Variants in ARFGEF2 observed in about 807,000 individuals in gnomAD.
The protein encoded by ARFGEF2 is brefeldin A-inhibited guanine nucleotide-exchange protein 2.
A neutral mutation model predicts 219.9 loss-of-function variants in ARFGEF2; 74 were observed. The ratio of observed to expected loss-of-function variants is 0.34; its 90% CI spans 0.28 to 0.41. ARFGEF2 has a LOEUF of 0.41. ARFGEF2 is among the 10% of genes least tolerant of loss of function. The pLI is 1.00. For synonymous variants in ARFGEF2, 733 were observed against 799.2 expected (o/e 0.92, Z 1.40); for missense variants, 1,743 against 2,218.3 (o/e 0.79, Z 4.30).
rs764929973 is a variant in ARFGEF2 at position 49,033,144 on chromosome 20, T to TA, written c.5304dup (p.Trp1769MetfsTer43). 6 of 1,614,086 alleles carry TA rather than the reference T, an allele frequency of 3.7e-6. No homozygotes were observed. The highest frequency in any genetic ancestry group is 1.3e-5 in the African/African-American group (1 of 74,922). On this transcript the variant is annotated frameshift_variant, in exon 39 of 39. Coordinates refer to ENST00000371917, the MANE Select transcript of ARFGEF2 (RefSeq NM_006420.3). LOFTEE classifies it high-confidence loss of function. ...CTACGGATAGGTGTTGTGTATAAGA[T>TA]ATGGATACCAGAAGAGCCATCACAG...
intron 1 of ARFGEF2, among the ~76,000 whole-genome samples, chr20:48,935,499 A>G (rs930993935): frequency 5.9e-5 from 9 of 152,044 alleles, no homozygotes; most frequent in African/African-American, 1.9e-4. Context: ...ACCTCTTTCT[A>G]CACAGACACG....
At chr20:48,972,701 G>A (rs920799557) in intron 11 of ARFGEF2, among the ~76,000 whole-genome samples, 3 of 152,162 alleles carry the variant, frequency 2.0e-5, no homozygotes, top group African/African-American at 7.2e-5. Flanking sequence ...CCTACAAGCT[G>A]AGTACTGTTA....
At chr20:48,985,343 T>G in intron 15 of ARFGEF2, 65 bp from the exon 16 acceptor site, 2 of 1,555,622 alleles carry the variant, frequency 1.3e-6, no homozygotes, top group Non-Finnish European at 1.8e-6. Context: ...ACCCTTTGGC[T>G]GCTGGCTTTT....
At chr20:48,949,715 C>T (rs903862752) in intron 3 of ARFGEF2, among the ~76,000 whole-genome samples, 8 of 152,058 alleles carry the variant, frequency 5.3e-5, no homozygotes, top group Admixed American at 3.3e-4. Context: ...CTTTGCAGAG[C>T]GGCCAGTCTT....
At chr20:49,023,738 C>G (rs1162401453) in intron 35 of ARFGEF2, among the ~76,000 whole-genome samples, 1 of 151,664 alleles carries the variant, frequency 6.6e-6, no homozygotes, top group Admixed American at 6.6e-5. Context: ...CGGGGTTTCA[C>G]CGTGTTAGCC....
intron 1 of ARFGEF2, among the ~76,000 whole-genome samples, chr20:48,932,318 C>T (rs946559918): frequency 6.6e-6 from 1 of 152,014 alleles, no homozygotes; most frequent in Non-Finnish European, 1.5e-5. Context: ...GTAAAGAGGA[C>T]GGCAGCAGAA....
intron 6 of ARFGEF2, among the ~76,000 whole-genome samples, chr20:48,963,439 C>T (rs1047172180): frequency 3.9e-5 from 6 of 152,286 alleles, no homozygotes; most frequent in South Asian, 2.1e-4. Flanking sequence ...TACCAAGGCT[C>T]GTTGGTCCCC....
intron 3 of ARFGEF2, among the ~76,000 whole-genome samples, chr20:48,945,008 G>T (rs1816942254): frequency 6.6e-6 from 1 of 152,126 alleles, no homozygotes; most frequent in South Asian, 2.1e-4. Flanking sequence ...GGCTGATTTG[G>T]TTCCTGGTGA....
rs1418594302 is a variant in ARFGEF2, at chr20:48,972,390, G to A, written c.1490G>A (p.Trp497Ter). 1 of 1,613,992 alleles carries A rather than the reference G, an allele frequency of 6.2e-7. No homozygotes were observed. The highest frequency in any genetic ancestry group is 8.5e-7 in the Non-Finnish European group (1 of 1,179,978). The part of the protein sequence containing the change: ...ETSTSSFEHR[W>*]MVIQTLTRIC... Reference sequence around the variant, plus strand: ...TCAACAAGTTCTTTTGAGCACAGGTGGATGGTCATTCAGACTCTGACGAGG... The same window carrying A: ...TCAACAAGTTCTTTTGAGCACAGGTAGATGGTCATTCAGACTCTGACGAGG... Residue 497 changes from tryptophan (W) to a stop codon, truncating the protein, a stop_gained, in exon 11 of 39, where the codon TGG becomes TAG. Transcript: ENST00000371917. LOFTEE classifies it high-confidence loss of function.
chr20:48,988,210 T>A, intron 16 of ARFGEF2, 94 bp from the exon 17 acceptor site: 1 of 881,694 alleles, frequency 1.1e-6, no homozygotes, highest in Non-Finnish European at 1.9e-6. Flanking sequence ...AGGGGAGTAG[T>A]CGGCTGCTTT....
At chr20:48,930,436 T>C (rs1314108731) in intron 1 of ARFGEF2, among the ~76,000 whole-genome samples, 1 of 152,154 alleles carries the variant, frequency 6.6e-6, no homozygotes, top group Non-Finnish European at 1.5e-5. Context: ...ACAGTAGAAA[T>C]AGAGCAAAGA....
chr20:48,988,742 A>G, intron 18 of ARFGEF2, 80 bp downstream of exon 18: 3 of 1,286,056 alleles, frequency 2.3e-6, no homozygotes, highest in Non-Finnish European at 2.2e-6. Context: ...CTCTGGTGAT[A>G]AATTTAATGT....
At chr20:49,020,181 G>A (rs2091557641) in intron 34 of ARFGEF2, among the ~76,000 whole-genome samples, 1 of 152,184 alleles carries the variant, frequency 6.6e-6, no homozygotes, top group Admixed American at 6.5e-5. Context: ...CTGGTCCTTT[G>A]AAAGTTGTGT....
At chr20:48,970,533 C>A (rs1194206718) in intron 9 of ARFGEF2, among the ~76,000 whole-genome samples, 1 of 152,042 alleles carries the variant, frequency 6.6e-6, no homozygotes, top group Admixed American at 6.6e-5. Context: ...TCGCTTGAAC[C>A]CAGGAGACGG....
intron 7 of ARFGEF2, among the ~76,000 whole-genome samples, chr20:48,964,777 C>T (rs1430713640): frequency 6.6e-6 from 1 of 152,110 alleles, no homozygotes; most frequent in African/African-American, 2.4e-5. Flanking sequence ...CACTTTGTTC[C>T]AATGCCAGTA....
intron 1 of ARFGEF2, among the ~76,000 whole-genome samples, chr20:48,934,900 C>T (rs1186751483): frequency 2.6e-5 from 4 of 152,022 alleles, no homozygotes; most frequent in Admixed American, 2.0e-4. Context: ...AAATGGTATT[C>T]CTCATTCTAG....
At chr20:49,032,421 G>A (rs1218368870) in intron 38 of ARFGEF2, among the ~76,000 whole-genome samples, 9 of 151,790 alleles carry the variant, frequency 5.9e-5, no homozygotes, top group African/African-American at 2.2e-4. Context: ...GTTAGGAATG[G>A]TATGGTGAGT....
intron 14 of ARFGEF2, among the ~76,000 whole-genome samples, chr20:48,978,672 A>T (rs1204554834): frequency 1.3e-5 from 2 of 152,058 alleles, no homozygotes; most frequent in African/African-American, 4.8e-5. Context: ...GTTCTCCTTG[A>T]AGAAGAGGTC....
intron 3 of ARFGEF2, among the ~76,000 whole-genome samples, chr20:48,949,615 C>T (rs1395086450): frequency 6.6e-6 from 1 of 152,110 alleles, no homozygotes; most frequent in Non-Finnish European, 1.5e-5. Context: ...CTCTCAGCCA[C>T]TCTCTCAATC....
Sources: gnomAD v4.1 joint callset for allele counts (sites outside exome capture counted in the v4.1 genomes callset) on GRCh38, gnomAD v4.1.1 for gene constraint, MANE v1.5 for transcripts, NCBI Gene and HGNC (gene_info 2026-07-23, HGNC 2026-07-21) for gene names.